The following CDKN2AIPNL variants were observed in gnomAD, a reference collection of about 807,000 sequenced individuals.
CDKN2AIPNL encodes XRN2 binding domain containing 1.
A neutral mutation model predicts 12.9 loss-of-function variants in CDKN2AIPNL; 9 were observed. The observed-to-expected ratio is 0.70, with a 90% CI of 0.42 to 1.22. CDKN2AIPNL has a LOEUF of 1.22. Among genes scored for constraint, CDKN2AIPNL ranks in the 50% most tolerant of loss-of-function variants. CDKN2AIPNL has a pLI of 0.00. For synonymous variants in CDKN2AIPNL, 53 were observed against 61.7 expected (o/e 0.86, Z 0.66); for missense variants, 143 against 153.6 (o/e 0.93, Z 0.37).
intron 2 of CDKN2AIPNL, among the ~76,000 whole-genome samples, chr5:134,407,256 A>AACACACACACACACACAC (rs5871539): frequency 1.9e-4 from 26 of 139,708 alleles, no homozygotes; most frequent in Non-Finnish European, 2.5e-4. Flanking sequence ...GACCCTTCCT[A>AACACACACACACACACAC]ACACACACAC....
chr5:134,409,981 G>T lies in CDKN2AIPNL; in HGVS notation c.261C>A (p.Asp87Glu). ...LGCSYNKDLL[D>E]KVMEMADGIE... is the part of the protein sequence containing the mutation. Reference sequence around the variant, plus strand: ...TCCCATCGGCCATTTCCATCACCTTGTCTAAAAGGTCTTTATTGTAACTGC... The same window carrying T: ...TCCCATCGGCCATTTCCATCACCTTTTCTAAAAGGTCTTTATTGTAACTGC... Residue 87 changes from aspartate to glutamate, a missense_variant, in exon 2 of 3, where the codon GAC becomes GAA. Physicochemically the swap from Asp to Glu is conservative, Grantham distance 45. Coordinates refer to ENST00000458198, the MANE Select transcript of CDKN2AIPNL (RefSeq NM_080656.3). The T allele has an allele frequency of 6.2e-7, 1 of 1,611,046 alleles. No individual in the cohort carries two copies. Among genetic ancestry groups the T allele is most frequent in the Non-Finnish European group, 8.5e-7 (1 of 1,177,990 alleles).
chr5:134,406,622 C>G (rs1410197557), intron 2 of CDKN2AIPNL, among the ~76,000 whole-genome samples: 1 of 152,118 alleles, frequency 6.6e-6, no homozygotes, highest in Non-Finnish European at 1.5e-5. Context: ...TAAAGATTCA[C>G]CAGGCACAGT....
At chr5:134,404,376 T>TCACCCAA (rs573058105) in intron 2 of CDKN2AIPNL, among the ~76,000 whole-genome samples, 71 of 152,300 alleles carry the variant, frequency 4.7e-4, no homozygotes, top group Middle Eastern at 3.4e-3. Context: ...CAAGCTGGAG[T>TCACCCAA]GCAGTGGTAC....
chr5:134,411,847 C>T lies in CDKN2AIPNL; in HGVS notation c.8G>A (p.Gly3Asp). The change falls in exon 1 of 3, where the codon GGT becomes GAT. Residue 3 changes from glycine (G) to aspartate (D), a missense_variant. This residue lies in a region of CDKN2AIPNL where 30 missense variants were observed against 25.2 expected (regional missense o/e 1.19). Coordinates refer to ENST00000458198, the MANE Select transcript of CDKN2AIPNL (RefSeq NM_080656.3). ...CTCCACTGCGGCAGCCGCCTCGCCA[C>T]CGACCATGGTGCCCGCCGCAGCCGA... MV[G>D]GEAAAAVEEL... The T allele has an allele frequency of 6.4e-7, 1 of 1,564,396 alleles. No homozygotes were observed. Among genetic ancestry groups the T allele is most frequent in the Non-Finnish European group, 8.7e-7 (1 of 1,155,366 alleles).
intron 1 of CDKN2AIPNL, among the ~76,000 whole-genome samples, chr5:134,410,276 C>A (rs1275299503): frequency 6.6e-6 from 1 of 152,162 alleles, no homozygotes; most frequent in Non-Finnish European, 1.5e-5. Flanking sequence ...GCTGGGATTA[C>A]AGGCGTGTGC....
intron 2 of CDKN2AIPNL, among the ~76,000 whole-genome samples, chr5:134,408,873 C>T (rs1421209088): frequency 6.6e-6 from 1 of 152,138 alleles, no homozygotes; most frequent in Non-Finnish European, 1.5e-5. Context: ...AACAAACCAT[C>T]CTGAAAATCA....
At chr5:134,410,920 G>A (rs1396063656) in intron 1 of CDKN2AIPNL, 2 of 674,184 alleles carry the variant, frequency 3.0e-6, no homozygotes, top group African/African-American at 1.8e-5. Flanking sequence ...TCATGGAGGG[G>A]TGAAAGGAAT....
At chr5:134,410,033 C>T in intron 1 of CDKN2AIPNL, 31 bp from the exon 2 acceptor site, 14 of 1,469,734 alleles carry the variant, frequency 9.5e-6, no homozygotes, top group Non-Finnish European at 1.3e-5. Context: ...AGGTAAAAAC[C>T]TTGGAACAAT....
chr5:134,403,648 G>A (rs1035242358), intron 2 of CDKN2AIPNL, among the ~76,000 whole-genome samples: 7 of 152,116 alleles, frequency 4.6e-5, no homozygotes, highest in African/African-American at 2.4e-5. Context: ...TATTTGAGAC[G>A]GAGTCTCACT....
intron 1 of CDKN2AIPNL, chr5:134,410,776 G>A: frequency 1.9e-6 from 1 of 536,022 alleles, no homozygotes; most frequent in East Asian, 3.1e-5. Flanking sequence ...AGGCCTGCAG[G>A]GGCCAAATGA....
intron 2 of CDKN2AIPNL, among the ~76,000 whole-genome samples, chr5:134,404,159 T>C (rs1466623435): frequency 6.6e-6 from 1 of 152,176 alleles, no homozygotes; most frequent in African/African-American, 2.4e-5. Flanking sequence ...TGTTTGCAGG[T>C]GATACACTAC....
At position 134,402,558 on chromosome 5, in the gene CDKN2AIPNL, G is replaced by A; in HGVS notation, c.*357C>T. ...AATATGAGCCCAGGAGTTCGAGGCT[G>A]CAATGAGCCAATACTGCACCTTTGT... On this transcript the variant is annotated 3_prime_UTR_variant, in exon 3 of 3. Coordinates refer to ENST00000458198, the MANE Select transcript of CDKN2AIPNL (RefSeq NM_080656.3). The A allele has an allele frequency of 9.7e-6, 2 of 205,534 alleles. No individual in the cohort carries two copies. The highest frequency in any genetic ancestry group is 1.0e-4 in the East Asian group (1 of 9,554). The allele number at this position is 205,534 out of a possible 1,614,324, so 12.7% of individuals were successfully genotyped here.
rs192838894 is a variant in CDKN2AIPNL at position 134,409,972 on chromosome 5, C to A, written c.270G>T (p.Met90Ile). The A allele has an allele frequency of 6.2e-7, 1 of 1,613,024 alleles. No individual in the cohort carries two copies. Among genetic ancestry groups the A allele is most frequent in the East Asian group, 2.2e-5 (1 of 44,860 alleles). ...SYNKDLLDKV[M>I]EMADGIEVED... ...CCACTTCAATCCCATCGGCCATTTC[C>A]ATCACCTTGTCTAAAAGGTCTTTAT... The change falls in exon 2 of 3, where the codon ATG (methionine) becomes ATT (isoleucine). Residue 90 changes from methionine (M) to isoleucine (I), a missense_variant. Met to Ile is a conservative substitution (Grantham distance 10). Around this residue, in one of 3 missense-constraint regions of CDKN2AIPNL, gnomAD observed 111 missense variants for 111.4 expected, o/e 1.00. Transcript: ENST00000458198.
intron 2 of CDKN2AIPNL, among the ~76,000 whole-genome samples, chr5:134,407,350 CCTA>C (rs1361908882): frequency 6.6e-6 from 1 of 151,980 alleles, no homozygotes; most frequent in East Asian, 1.9e-4. Context: ...TCCTTAGTCT[CCTA>C]CTGGGGTCTG....
At chr5:134,409,785 A>C in intron 2 of CDKN2AIPNL, 118 bp downstream of exon 2, 1 of 604,732 alleles carries the variant, frequency 1.7e-6, no homozygotes, top group Non-Finnish European at 2.9e-6. Context: ...ATGAAAGGGT[A>C]TAGGTCTTTG....
At chr5:134,406,580 C>T (rs1759106588) in intron 2 of CDKN2AIPNL, among the ~76,000 whole-genome samples, 1 of 152,192 alleles carries the variant, frequency 6.6e-6, no homozygotes, top group South Asian at 2.1e-4. Flanking sequence ...TCAGATGACT[C>T]GTTCTCAGAA....
chr5:134,403,013 G>A (rs1028487521), intron 2 of CDKN2AIPNL, 87 bp from the exon 3 acceptor site: 60 of 1,150,542 alleles, frequency 5.2e-5, no homozygotes, highest in Middle Eastern at 4.0e-4. Context: ...TAGCAGTGAT[G>A]TAATATTTAT....
chr5:134,409,406 A>G (rs774993282), intron 2 of CDKN2AIPNL, among the ~76,000 whole-genome samples: 12 of 152,176 alleles, frequency 7.9e-5, no homozygotes, highest in Non-Finnish European at 1.5e-4. Context: ...ACTCTAGGCA[A>G]GACTCACTGT....
chr5:134,408,080 G>T (rs1321138457), intron 2 of CDKN2AIPNL, among the ~76,000 whole-genome samples: 3 of 151,700 alleles, frequency 2.0e-5, no homozygotes, highest in South Asian at 2.1e-4. Flanking sequence ...GCAGTGAGCT[G>T]AGATCGTGCC....
Sources: gnomAD v4.1 joint callset for allele counts (sites outside exome capture counted in the v4.1 genomes callset) on GRCh38, gnomAD v4.1.1 for gene constraint, gnomAD v4.1.1 regional missense constraint, MANE v1.5 for transcripts, NCBI Gene and HGNC (gene_info 2026-07-23, HGNC 2026-07-21) for gene names.